PTP4A2: variants seen among roughly 807,000 people sequenced by gnomAD.
The protein encoded by PTP4A2 is protein tyrosine phosphatase type IVA 2.
Under a neutral mutation model 22.9 loss-of-function variants are expected in PTP4A2, and 2 were observed. That is an observed-to-expected ratio of 0.09 (90% CI 0.04 to 0.27). PTP4A2 has a LOEUF of 0.27. Among genes scored for constraint, PTP4A2 ranks in the 10% least tolerant of loss-of-function variants. The probability of loss-of-function intolerance (pLI) is 1.00; values close to 1 mark genes in which losing one functional copy is unlikely to be tolerated. For synonymous variants in PTP4A2, 68 were observed against 69.1 expected, an observed-to-expected ratio of 0.98 and a Z score of 0.08; for missense variants, 103 against 205.1, an observed-to-expected ratio of 0.50 and a Z score of 3.04.
chr1:31,910,020 CA>C lies in PTP4A2; in HGVS notation c.395+17del, dbSNP rs377321954. On this transcript the variant is annotated intron_variant, in intron 5 of 5. Transcript: ENST00000647444. ...ATCTTGCTTTCTGTGTTTCTGAACA[CA>C]AAAACTTCATACTCACTGTCTTATA... is the stretch of plus-strand genomic sequence containing the variant. The C allele has an allele frequency of 2.2e-3, 3,457 of 1,591,482 alleles. 39 individuals are homozygous for C. Among genetic ancestry groups the C allele is most frequent in the South Asian group, 0.02 (1,838 of 90,604 alleles).
At chr1:31,935,884 T>C (rs949903000) in intron 1 of PTP4A2, among the ~76,000 whole-genome samples, 1 of 152,044 alleles carries the variant, frequency 6.6e-6, no homozygotes, top group Non-Finnish European at 1.5e-5. Context: ...AGCCTTGACT[T>C]CCTGGACTCA....
chr1:31,928,651 C>T (rs1029238479), intron 1 of PTP4A2, among the ~76,000 whole-genome samples: 14 of 141,950 alleles, frequency 9.9e-5, no homozygotes, highest in Non-Finnish European at 1.5e-4. Context: ...GAGCCAAGAT[C>T]GTGCCACTGT....
At position 31,910,118 on chromosome 1, in the gene PTP4A2, GA is replaced by G; in HGVS notation, c.321-7del. Reference sequence around the variant, plus strand: ...GTGCAACCAGCACAGGTGCCCTGCAGAAAGAAACCTGTATGTAAGTATCCAT... The same window carrying G: ...GTGCAACCAGCACAGGTGCCCTGCAGAAGAAACCTGTATGTAAGTATCCAT... On this transcript the variant is annotated splice_polypyrimidine_tract_variant and splice_region_variant and intron_variant, in intron 4 of 5. Transcript: ENST00000647444. 6.2e-7 allele frequency: 1 copy of G among 1,609,908 alleles called. No homozygotes were observed. The highest frequency in any genetic ancestry group is 1.1e-5 in the South Asian group (1 of 91,004).
chr1:31,910,481 A>G (rs768907303), intron 4 of PTP4A2: 1 of 165,504 alleles, frequency 6.0e-6, no homozygotes, highest in South Asian at 1.5e-4. Flanking sequence ...TAGTTAGTAG[A>G]GACGGGGTTT....
intron 1 of PTP4A2, among the ~76,000 whole-genome samples, chr1:31,926,147 A>ATATATATATAT (rs1243088060): frequency 7.8e-6 from 1 of 127,404 alleles, no homozygotes; most frequent in African/African-American, 3.0e-5. Flanking sequence ...AAAAAAAAAA[A>ATATATATATAT]AAATATATAT....
intron 4 of PTP4A2, 104 bp from the exon 5 acceptor site, chr1:31,910,216 T>C: frequency 1.3e-6 from 1 of 782,762 alleles, no homozygotes; most frequent in Non-Finnish European, 2.1e-6. Context: ...AGCTTTCTTT[T>C]TCCTGTATAC....
At chr1:31,929,796 C>A (rs1053710518) in intron 1 of PTP4A2, among the ~76,000 whole-genome samples, 6 of 152,246 alleles carry the variant, frequency 3.9e-5, no homozygotes, top group African/African-American at 1.4e-4. Flanking sequence ...TTCTGAACTT[C>A]AATTGTAATA....
intron 1 of PTP4A2, among the ~76,000 whole-genome samples, chr1:31,928,526 CCT>C (rs886739298): frequency 5.9e-5 from 9 of 151,546 alleles, no homozygotes; most frequent in African/African-American, 2.2e-4. Context: ...ATGGCAAAAC[CCT>C]GTCTCTACCA....
At chr1:31,926,149 A>AAAATATATATATATATATAT (rs59088489) in intron 1 of PTP4A2, among the ~76,000 whole-genome samples, 1 of 131,340 alleles carries the variant, frequency 7.6e-6, no homozygotes, top group Non-Finnish European at 1.6e-5. Context: ...AAAAAAAAAA[A>AAAATATATATATATATATAT]ATATATATAT....
intron 1 of PTP4A2, among the ~76,000 whole-genome samples, chr1:31,921,124 T>C (rs1178945541): frequency 6.6e-6 from 1 of 152,240 alleles, no homozygotes; most frequent in Non-Finnish European, 1.5e-5. Flanking sequence ...GCAGTGGACA[T>C]AACCAACTTG....
At chr1:31,930,676 A>G (rs151074897) in intron 1 of PTP4A2, among the ~76,000 whole-genome samples, 138 of 152,298 alleles carry the variant, frequency 9.1e-4, no homozygotes, top group African/African-American at 3.2e-3. Context: ...TCACAGACAT[A>G]TGTTTGTGTA....
At position 31,908,088 on chromosome 1, in the gene PTP4A2, A is replaced by G; in HGVS notation, c.*764T>C. ...AAACTAACATGAACACCCTTTCATC[A>G]GTAAAGACTAAAAACCACCTGGAAA... On this transcript the variant is annotated 3_prime_UTR_variant, in exon 6 of 6. Transcript: ENST00000647444. 1 of 117,244 alleles carries G rather than the reference A, an allele frequency of 8.5e-6. No homozygotes were observed. The highest frequency in any genetic ancestry group is 2.4e-4 in the South Asian group (1 of 4,096). The allele number at this position is 117,244 out of a possible 1,614,324, so 7.3% of individuals were successfully genotyped here.
At position 31,937,522 on chromosome 1, in the gene PTP4A2, C is replaced by A. The variant is rs75259496; in HGVS notation, c.-594+465G>T. Among the ~76,000 whole-genome samples, 2,709 of 151,774 alleles carry A rather than the reference C, an allele frequency of 0.018. 225 individuals carry two copies. The East Asian group carries it at 0.22, about 12-fold the overall frequency. On this transcript the variant is annotated intron_variant, in intron 1 of 5. Coordinates refer to ENST00000647444, the MANE Select transcript of PTP4A2 (RefSeq NM_080391.4). ...CTGCCTCTGCCACGCACCTTCTCAC[C>A]GACACACACCATGTTCTCCCCCCAC...
At chr1:31,925,616 C>T (rs913911344) in intron 1 of PTP4A2, among the ~76,000 whole-genome samples, 4 of 151,592 alleles carry the variant, frequency 2.6e-5, no homozygotes, top group South Asian at 4.2e-4. Context: ...AAAAATTAGT[C>T]GGGTGTGGTG....
chr1:31,918,906 A>G, intron 2 of PTP4A2, 64 bp downstream of exon 2: 7 of 960,304 alleles, frequency 7.3e-6, no homozygotes, highest in Non-Finnish European at 1.0e-5. Context: ...TTGTGCTAAG[A>G]GAATTTTTTA....
At chr1:31,912,575 C>CAGGGGT (rs1651594517) in intron 3 of PTP4A2, among the ~76,000 whole-genome samples, 1 of 152,016 alleles carries the variant, frequency 6.6e-6, no homozygotes, top group Non-Finnish European at 1.5e-5. Context: ...ACAGTATAGG[C>CAGGGGT]AGGGGTTTAT....
At chr1:31,917,446 G>A (rs1651905835) in intron 2 of PTP4A2, among the ~76,000 whole-genome samples, 1 of 152,118 alleles carries the variant, frequency 6.6e-6, no homozygotes, top group African/African-American at 2.4e-5. Context: ...TTTTAAAAAT[G>A]TTTCAAAATA....
chr1:31,918,148 C>T (rs1198835492), intron 2 of PTP4A2, among the ~76,000 whole-genome samples: 1 of 151,626 alleles, frequency 6.6e-6, no homozygotes, highest in African/African-American at 2.4e-5. Flanking sequence ...ATCAGGGAGG[C>T]TGAGGCAGGA....
intron 1 of PTP4A2, among the ~76,000 whole-genome samples, chr1:31,928,475 G>A (rs1476394410): frequency 6.6e-5 from 10 of 151,546 alleles, no homozygotes; most frequent in South Asian, 2.1e-4. Flanking sequence ...CAAGATGGGC[G>A]GATCACCTGA....
Sources: gnomAD v4.1 joint callset for allele counts (sites outside exome capture counted in the v4.1 genomes callset) on GRCh38, gnomAD v4.1.1 for gene constraint, MANE v1.5 for transcripts, NCBI Gene and HGNC (gene_info 2026-07-23, HGNC 2026-07-21) for gene names.